ATP6V0E1: variants seen among roughly 807,000 people sequenced by gnomAD.
ATP6V0E1 encodes the protein V-type proton ATPase subunit e 1.
In ATP6V0E1, 4 loss-of-function variants were observed where a neutral mutation model predicts 11.6. The observed-to-expected ratio is 0.35, with a 90% CI of 0.17 to 0.79. ATP6V0E1 has a LOEUF of 0.79. Ranked by LOEUF, ATP6V0E1 falls within the 30% of genes least tolerant of loss-of-function variation. The probability of loss-of-function intolerance (pLI) is 0.54; values close to 1 mark genes in which losing one functional copy is unlikely to be tolerated. For missense variants in ATP6V0E1, 105 were observed against 100.0 expected (o/e 1.05, Z -0.21); for synonymous variants, 36 against 34.8 (o/e 1.04, Z -0.13).
intron 1 of ATP6V0E1, among the ~76,000 whole-genome samples, chr5:172,992,854 A>G (rs151120676): frequency 0.04 from 6,081 of 151,876 alleles, 394 homozygotes; most frequent in African/African-American, 0.14. Context: ...CTGGAGTGCA[A>G]TAGCGCAATC....
chr5:172,984,458 T>A (rs1175133394), intron 1 of ATP6V0E1, among the ~76,000 whole-genome samples: 1 of 152,178 alleles, frequency 6.6e-6, no homozygotes, highest in African/African-American at 2.4e-5. Flanking sequence ...GCCTTGCATC[T>A]AGTGGGCGCC....
rs1377657954 is a variant in ATP6V0E1, at chr5:172,998,627, AAAG to A, written c.152+3807_152+3809del. ...TCCATCTTAAAAAAAAAAAAAAAAAAAAGAGTAAATGAGGGCAAATACATGTAT... is the reference window on the plus strand; with the variant it reads ...TCCATCTTAAAAAAAAAAAAAAAAAAAGTAAATGAGGGCAAATACATGTAT... On this transcript the variant is annotated intron_variant, in intron 2 of 3. Transcript: ENST00000519374. 3.5e-3 allele frequency among the ~76,000 whole-genome samples: 516 copies of A among 145,446 alleles called. 1 individual carries two copies. The highest frequency in any genetic ancestry group is 0.013 in the African/African-American group (496 of 37,426).
At chr5:172,985,056 C>T (rs1257674960) in intron 1 of ATP6V0E1, among the ~76,000 whole-genome samples, 2 of 152,122 alleles carry the variant, frequency 1.3e-5, no homozygotes, top group East Asian at 3.9e-4. Context: ...ACCATCCTGG[C>T]TAACACGGTG....
intron 1 of ATP6V0E1, 140 bp downstream of exon 1, chr5:172,984,104 G>A: frequency 1.3e-6 from 1 of 784,172 alleles, no homozygotes; most frequent in Non-Finnish European, 2.2e-6. Flanking sequence ...CCCCGACCCG[G>A]CGGAACTCCT....
At chr5:173,022,487 G>C (rs1756500934) in intron 3 of ATP6V0E1, among the ~76,000 whole-genome samples, 1 of 152,078 alleles carries the variant, frequency 6.6e-6, no homozygotes, top group Non-Finnish European at 1.5e-5. Flanking sequence ...TTTTGTTTTT[G>C]TTTTTAATTG....
rs553690512 is a variant in ATP6V0E1, at chr5:173,034,127, A to G, written c.*37-272A>G. ...GGTGAATTCATTAGATTCCAGCACA[A>G]TCAATCTCAGTCAGCTTCATTCTTC... is the stretch of plus-strand genomic sequence containing the variant. On this transcript the variant is annotated intron_variant, in intron 3 of 3. Transcript: ENST00000519374. Among the ~76,000 whole-genome samples, 3 of 152,324 alleles carry G rather than the reference A, an allele frequency of 2.0e-5. No homozygotes were observed. In the East Asian group the frequency reaches 5.8e-4, roughly 29 times the overall value.
chr5:173,011,355 AT>A (rs574746144), intron 2 of ATP6V0E1, among the ~76,000 whole-genome samples: 3 of 151,054 alleles, frequency 2.0e-5, no homozygotes, highest in Admixed American at 6.6e-5. Flanking sequence ...TTGAAAAAAA[AT>A]TTTTTTTTAT....
At position 173,034,634 on chromosome 5, in the gene ATP6V0E1, A is replaced by T. The variant is rs1745039168; in HGVS notation, c.*272A>T. 1.8e-6 allele frequency: 1 copy of T among 564,424 alleles called. No homozygotes were observed. Among genetic ancestry groups the T allele is most frequent in the Non-Finnish European group, 3.2e-6 (1 of 312,398 alleles). 35.0% of individuals were successfully genotyped at this position (564,424 alleles called of 1,614,324 possible). On this transcript the variant is annotated 3_prime_UTR_variant, in exon 4 of 4. Transcript: ENST00000519374. ...ATTATGTACTCTTCTGAGATAGAAG[A>T]TGCTGTTCTTCTGAGAGATACGTTA...
chr5:173,012,638 C>T (rs1452073671), intron 2 of ATP6V0E1, among the ~76,000 whole-genome samples: 1 of 151,786 alleles, frequency 6.6e-6, no homozygotes, highest in African/African-American at 2.4e-5. Context: ...CCTGTAATCC[C>T]AGCTACTCAA....
chr5:173,030,675 A>C (rs1756635891), intron 3 of ATP6V0E1, among the ~76,000 whole-genome samples: 1 of 151,864 alleles, frequency 6.6e-6, no homozygotes, highest in Non-Finnish European at 1.5e-5. Context: ...TCCTGATCTC[A>C]GGTGATCCGC....
intron 3 of ATP6V0E1, among the ~76,000 whole-genome samples, chr5:173,031,258 T>C (rs909340582): frequency 6.6e-6 from 1 of 151,622 alleles, no homozygotes; most frequent in Non-Finnish European, 1.5e-5. Context: ...TTTTGTATTT[T>C]TTTTTTAGTA....
intron 2 of ATP6V0E1, among the ~76,000 whole-genome samples, chr5:173,000,119 A>G (rs1756131630): frequency 6.6e-6 from 1 of 152,182 alleles, no homozygotes; most frequent in South Asian, 2.1e-4. Context: ...AAATGCATTC[A>G]TGGACTTTTA....
intron 2 of ATP6V0E1, among the ~76,000 whole-genome samples, chr5:172,998,231 G>A (rs1373683217): frequency 1.8e-5 from 2 of 109,856 alleles, no homozygotes; most frequent in African/African-American, 3.8e-5. Context: ...GTTAAAAGAA[G>A]CTTGTTCAGG....
At chr5:173,021,244 A>G (rs1756479369) in intron 3 of ATP6V0E1, among the ~76,000 whole-genome samples, 2 of 152,220 alleles carry the variant, frequency 1.3e-5, no homozygotes, top group African/African-American at 2.4e-5. Flanking sequence ...ACTCGTTACT[A>G]TGGGGAGGTA....
intron 3 of ATP6V0E1, among the ~76,000 whole-genome samples, chr5:173,031,466 T>G (rs1756650934): frequency 6.6e-6 from 1 of 150,754 alleles, no homozygotes; most frequent in Non-Finnish European, 1.5e-5. Flanking sequence ...CATGGACCCT[T>G]TGATTAAGTT....
At chr5:172,999,566 G>A (rs144900149) in intron 2 of ATP6V0E1, among the ~76,000 whole-genome samples, 3,272 of 152,296 alleles carry the variant, frequency 0.021, 70 homozygotes, top group Middle Eastern at 0.048. Flanking sequence ...AGCTCAAGCA[G>A]TCTTCTCACC....
At position 173,012,764 on chromosome 5, in the gene ATP6V0E1, AAAAAG is replaced by A. The variant is rs1229124363; in HGVS notation, c.153-7467_153-7463del. Among the ~76,000 whole-genome samples the A allele has an allele frequency of 1.5e-4, 23 of 152,226 alleles. No homozygotes were observed. In the South Asian group the frequency reaches 4.8e-3, roughly 32 times the overall value. ...AGTGAAACTCCATCTCAAAAAAAAA[AAAAAG>A]AAAAGATTTAAACATAAGACCTGAA... On this transcript the variant is annotated intron_variant, in intron 2 of 3. Coordinates refer to ENST00000519374, the MANE Select transcript of ATP6V0E1 (RefSeq NM_003945.4).
At chr5:172,984,054 A>T (rs1755844809) in intron 1 of ATP6V0E1, 90 bp downstream of exon 1, 12 of 1,284,662 alleles carry the variant, frequency 9.3e-6, no homozygotes, top group Non-Finnish European at 1.2e-5. Flanking sequence ...CACGGGTCAG[A>T]GAACGTTGCA....
At chr5:172,986,827 C>T (rs536525365) in intron 1 of ATP6V0E1, 119 of 409,552 alleles carry the variant, frequency 2.9e-4, no homozygotes, top group Middle Eastern at 8.1e-4. Context: ...CTCACTCTGT[C>T]GCCAGGCTGG....
Sources: allele counts gnomAD v4.1 joint callset (sites outside exome capture counted in the v4.1 genomes callset), GRCh38; gene constraint gnomAD v4.1.1; transcripts MANE v1.5; gene names NCBI Gene and HGNC (gene_info 2026-07-23, HGNC 2026-07-21).